SPAG6: variants seen among roughly 807,000 people sequenced by gnomAD.
The protein encoded by SPAG6 is sperm-associated antigen 6.
In SPAG6, 49 loss-of-function variants were observed where a neutral mutation model predicts 58.5. The observed-to-expected ratio is 0.84, with a 90% CI of 0.67 to 1.06. SPAG6 has a LOEUF of 1.06. SPAG6 is among the 50% of genes least tolerant of loss of function. The pLI, the probability that SPAG6 is intolerant of heterozygous loss-of-function variation, is 0.00. For missense variants in SPAG6, 560 were observed against 611.3 expected, an observed-to-expected ratio of 0.92 and a Z score of 0.89; for synonymous variants, 233 against 225.6, an observed-to-expected ratio of 1.03 and a Z score of -0.29.
chr10:22,359,043 C>A (rs1422014250), intron 2 of SPAG6, among the ~76,000 whole-genome samples: 4 of 152,184 alleles, frequency 2.6e-5, no homozygotes, highest in Non-Finnish European at 5.9e-5. Context: ...CCTCTAGATT[C>A]ATGCTTTTTA....
rs1376642748 is a variant in SPAG6 at position 22,375,364 on chromosome 10, T to C, written c.472+6686T>C. On this transcript the variant is annotated intron_variant, in intron 4 of 10. Transcript: ENST00000376624. The stretch of plus-strand genomic sequence containing the variant: ...TTAGAAGCTCAGGAGTTGGTTAGCA[T>C]AAGAATTGTACCTTGAGATAAGACA... Among the ~76,000 whole-genome samples, 6 of 152,198 alleles carry C rather than the reference T, an allele frequency of 3.9e-5. 1 individual carries two copies. Among genetic ancestry groups the C allele is most frequent in the Admixed American group, 3.9e-4 (6 of 15,288 alleles).
chr10:22,388,979 G>A (rs1343144780), intron 6 of SPAG6, among the ~76,000 whole-genome samples, 181 bp from the exon 7 acceptor site: 3 of 152,094 alleles, frequency 2.0e-5, no homozygotes, highest in Non-Finnish European at 4.4e-5. Flanking sequence ...CACAGTTTGT[G>A]CATTTGAACT....
In SPAG6 at chr10:22,387,877, G is replaced by A; in HGVS notation, c.733G>A (p.Glu245Lys). The A allele has an allele frequency of 6.2e-7, 1 of 1,613,498 alleles. No individual in the cohort carries two copies. The highest frequency in any genetic ancestry group is 8.5e-7 in the Non-Finnish European group (1 of 1,179,752). Residue 245 changes from glutamate to lysine, a missense_variant, in exon 6 of 11, where the codon GAA becomes AAA. Physicochemically the swap from Glu to Lys is moderately conservative, Grantham distance 56. Transcript: ENST00000376624. ...QVSKHSVDLA[E>K]MVVEAEIFPV... The stretch of plus-strand genomic sequence containing the variant: ...TTCAAAACATTCCGTGGATCTGGCA[G>A]AAATGGTTGTTGAAGCAGAGATTTT...
intron 8 of SPAG6, among the ~76,000 whole-genome samples, chr10:22,394,634 C>T (rs949340311): frequency 1.3e-5 from 2 of 152,258 alleles, no homozygotes; most frequent in African/African-American, 4.8e-5. Flanking sequence ...TCTGCCTAGC[C>T]CCAGGCAACC....
At chr10:22,388,085 T>G in intron 6 of SPAG6, 89 bp downstream of exon 6, 1 of 1,034,788 alleles carries the variant, frequency 9.7e-7, no homozygotes, top group Non-Finnish European at 1.4e-6. Flanking sequence ...GCCTAGGGGT[T>G]GTGGCACATG....
At chr10:22,381,118 A>G (rs1401528622) in intron 4 of SPAG6, among the ~76,000 whole-genome samples, 1 of 152,136 alleles carries the variant, frequency 6.6e-6, no homozygotes, top group Non-Finnish European at 1.5e-5. Context: ...CGTAACCACA[A>G]TAGTGGTTCT....
chr10:22,407,152 T>G (rs1834578839), intron 9 of SPAG6, among the ~76,000 whole-genome samples: 2 of 151,168 alleles, frequency 1.3e-5, no homozygotes, highest in African/African-American at 4.9e-5. Flanking sequence ...AAGTTAATAT[T>G]GTTATGTGTG....
In SPAG6 at chr10:22,411,059, G is replaced by A. The variant is rs143302036; in HGVS notation, c.1343G>A (p.Arg448Gln). ...KVLPHDSKAR[R>Q]LFVTSGGLKK... The stretch of plus-strand genomic sequence containing the variant: ...CTGCCGCATGATAGCAAAGCTCGAC[G>A]ACTTTTTGTAACAAGTGGTGGCCTT... Residue 448 changes from arginine (R) to glutamine (Q), a missense_variant, in exon 10 of 11, where the codon CGA becomes CAA. Coordinates refer to ENST00000376624, the MANE Select transcript of SPAG6 (RefSeq NM_012443.4). 3.3e-5 allele frequency: 54 copies of A among 1,613,970 alleles called. 1 individual carries two copies. Among genetic ancestry groups the A allele is most frequent in the Admixed American group, 1.8e-4 (11 of 59,992 alleles).
At chr10:22,375,622 G>A (rs1312389298) in intron 4 of SPAG6, among the ~76,000 whole-genome samples, 2 of 144,020 alleles carry the variant, frequency 1.4e-5, no homozygotes, top group Non-Finnish European at 1.5e-5. Context: ...TTTTGCTCTC[G>A]TTGCCCATGT....
intron 2 of SPAG6, among the ~76,000 whole-genome samples, chr10:22,349,038 G>C (rs184014511): frequency 6.6e-6 from 1 of 151,874 alleles, no homozygotes; most frequent in Non-Finnish European, 1.5e-5. Context: ...AATAGAGAAG[G>C]GTTTTCACCA....
intron 8 of SPAG6, among the ~76,000 whole-genome samples, chr10:22,394,703 G>T (rs1354751408): frequency 6.6e-6 from 1 of 152,084 alleles, no homozygotes; most frequent in Non-Finnish European, 1.5e-5. Context: ...TTTAAATGGA[G>T]TCATACAACA....
At chr10:22,388,933 G>A (rs773910406) in intron 6 of SPAG6, among the ~76,000 whole-genome samples, 18 of 152,076 alleles carry the variant, frequency 1.2e-4, no homozygotes, top group Non-Finnish European at 2.2e-4. Flanking sequence ...TTGTGCCATC[G>A]ATGCATGAAA....
chr10:22,377,450 T>C (rs1047480298), intron 4 of SPAG6, among the ~76,000 whole-genome samples: 16 of 152,348 alleles, frequency 1.1e-4, no homozygotes, highest in African/African-American at 3.6e-4. Flanking sequence ...AACTAATATG[T>C]AATCTGAATG....
In SPAG6 at chr10:22,388,066, G is replaced by T. The variant is rs901019335; in HGVS notation, c.852+70G>T. 14 of 1,258,912 alleles carry T rather than the reference G, an allele frequency of 1.1e-5. No individual in the cohort carries two copies. In the Middle Eastern group the frequency reaches 7.8e-4, roughly 71 times the overall value. The allele number at this position is 1,258,912 out of a possible 1,614,324, so 78.0% of individuals were successfully genotyped here. On this transcript the variant is annotated intron_variant, in intron 6 of 10. Transcript: ENST00000376624. The stretch of plus-strand genomic sequence containing the variant: ...TAGTTTTTAAATAAAACATCAATTT[G>T]TTTATAGGGCCTAGGGGTTGTGGCA...
At chr10:22,348,269 G>A (rs948276231) in intron 2 of SPAG6, among the ~76,000 whole-genome samples, 5 of 152,082 alleles carry the variant, frequency 3.3e-5, no homozygotes, top group Non-Finnish European at 5.9e-5. Context: ...GATTGCGCCC[G>A]GCCAGTTTTC....
At chr10:22,361,785 A>G (rs933083939) in intron 2 of SPAG6, among the ~76,000 whole-genome samples, 13 of 152,014 alleles carry the variant, frequency 8.6e-5, no homozygotes, top group African/African-American at 2.7e-4. Context: ...AAAATTTTTT[A>G]AAATCAGGAG....
At chr10:22,350,254 T>A (rs959254504) in intron 2 of SPAG6, among the ~76,000 whole-genome samples, 1 of 152,146 alleles carries the variant, frequency 6.6e-6, no homozygotes, top group Non-Finnish European at 1.5e-5. Context: ...GCTATACACA[T>A]TCTGTCTTTG....
chr10:22,406,047 G>T (rs1410224667), intron 9 of SPAG6, among the ~76,000 whole-genome samples: 2 of 151,790 alleles, frequency 1.3e-5, no homozygotes, highest in African/African-American at 4.8e-5. Context: ...TATTAGTCTT[G>T]CTAGCGGTCT....
chr10:22,411,378 G>A, intron 10 of SPAG6: 1 of 442,884 alleles, frequency 2.3e-6, no homozygotes, highest in Non-Finnish European at 4.0e-6. Context: ...AATTCAAACT[G>A]GAATGTCATT....
Sources: gnomAD v4.1 joint callset for allele counts (sites outside exome capture counted in the v4.1 genomes callset) on GRCh38, gnomAD v4.1.1 for gene constraint, MANE v1.5 for transcripts, NCBI Gene and HGNC (gene_info 2026-07-23, HGNC 2026-07-21) for gene names.